Variants in BTRC observed in about 807,000 individuals in gnomAD.
The protein encoded by BTRC is beta-transducin repeat containing E3 ubiquitin protein ligase, also known as F-box/WD repeat-containing protein 1A.
A neutral mutation model predicts 85.5 loss-of-function variants in BTRC; 42 were observed. The ratio of observed to expected loss-of-function variants is 0.49; its 90% CI spans 0.38 to 0.64. BTRC has a LOEUF of 0.64. BTRC is among the 30% of genes least tolerant of loss of function. BTRC has a pLI of 0.00. For synonymous variants in BTRC, 255 were observed against 263.3 expected, an observed-to-expected ratio of 0.97 and a Z score of 0.30; for missense variants, 594 against 743.5, an observed-to-expected ratio of 0.80 and a Z score of 2.34.
chr10:101,393,735 T>C lies in BTRC; in HGVS notation c.49-36610T>C, dbSNP rs765441907. On this transcript the variant is annotated intron_variant, in intron 1 of 14. Transcript: ENST00000370187. Reference sequence around the variant, plus strand: ...AAAACACGAGGTTGGAAAGAGTCTTTCCCTACACACTCCCCCACCCTGGAG... The same window carrying C: ...AAAACACGAGGTTGGAAAGAGTCTTCCCCTACACACTCCCCCACCCTGGAG... 2.0e-5 allele frequency among the ~76,000 whole-genome samples: 3 copies of C among 152,138 alleles called. No individual in the cohort carries two copies. In the East Asian group the frequency reaches 5.8e-4, roughly 29 times the overall value.
intron 4 of BTRC, among the ~76,000 whole-genome samples, chr10:101,510,814 G>C (rs1200726440): frequency 6.6e-6 from 1 of 152,136 alleles, no homozygotes; most frequent in Non-Finnish European, 1.5e-5. Flanking sequence ...TCCTCCTTTG[G>C]TTTCTCCTCC....
At chr10:101,377,177 C>T (rs528186785) in intron 1 of BTRC, among the ~76,000 whole-genome samples, 2 of 152,290 alleles carry the variant, frequency 1.3e-5, no homozygotes, top group African/African-American at 4.8e-5. Context: ...CTGACCTCTT[C>T]CGTTCAGCAT....
At chr10:101,541,546 C>T (rs1244369616) in intron 13 of BTRC, among the ~76,000 whole-genome samples, 1 of 152,158 alleles carries the variant, frequency 6.6e-6, no homozygotes, top group East Asian at 1.9e-4. Context: ...AGGCGTGAAC[C>T]ACCGCGCCCG....
At chr10:101,431,921 A>G (rs1564768804) in intron 2 of BTRC, among the ~76,000 whole-genome samples, 2 of 152,192 alleles carry the variant, frequency 1.3e-5, no homozygotes, top group Non-Finnish European at 2.9e-5. Flanking sequence ...TGCAGGTTCT[A>G]AAATTAGCTA....
At chr10:101,466,040 A>G (rs1211387345) in intron 3 of BTRC, among the ~76,000 whole-genome samples, 1 of 152,180 alleles carries the variant, frequency 6.6e-6, no homozygotes, top group Admixed American at 6.5e-5. Flanking sequence ...TCAAGGGCAA[A>G]GGCCTGGGAG....
chr10:101,366,836 ATATT>A lies in BTRC; in HGVS notation c.48+12612_48+12615del, dbSNP rs1564729872. ...TATATATATTAATATATATTTATAT[ATATT>A]TATGTATATTAATATATATTTATAT... On this transcript the variant is annotated intron_variant, in intron 1 of 14. Transcript: ENST00000370187. Among the ~76,000 whole-genome samples, 9 of 67,674 alleles carry A rather than the reference ATATT, an allele frequency of 1.3e-4. 2 individuals carry two copies. Among genetic ancestry groups the A allele is most frequent in the African/African-American group, 5.6e-4 (9 of 16,120 alleles). The allele number at this position is 67,674 out of a possible 152,430, so 44.4% of individuals were successfully genotyped here.
At chr10:101,472,586 G>A (rs999164962) in intron 3 of BTRC, among the ~76,000 whole-genome samples, 20 of 152,108 alleles carry the variant, frequency 1.3e-4, no homozygotes, top group African/African-American at 4.3e-4. Context: ...GGCCAAGGTT[G>A]GGTGGATCAC....
intron 4 of BTRC, among the ~76,000 whole-genome samples, chr10:101,485,011 G>A (rs753021164): frequency 7.2e-5 from 11 of 152,140 alleles, no homozygotes; most frequent in South Asian, 2.1e-4. Context: ...TGTGCGTGCC[G>A]TTTAAGAAAA....
At chr10:101,427,113 CTTTTTTTT>C (rs138285266) in intron 1 of BTRC, among the ~76,000 whole-genome samples, 2 of 109,364 alleles carry the variant, frequency 1.8e-5, no homozygotes, top group Non-Finnish European at 3.6e-5. Flanking sequence ...TTTTTTCTTT[CTTTTTTTT>C]TTTTTTTTTT....
chr10:101,409,880 A>G (rs1341460122), intron 1 of BTRC, among the ~76,000 whole-genome samples: 1 of 152,222 alleles, frequency 6.6e-6, no homozygotes, highest in Non-Finnish European at 1.5e-5. Context: ...GAACATGTGT[A>G]TACATGTATT....
intron 1 of BTRC, among the ~76,000 whole-genome samples, chr10:101,378,682 G>A (rs932971597): frequency 1.3e-4 from 19 of 151,748 alleles, no homozygotes; most frequent in Admixed American, 5.3e-4. Context: ...GAGCCACCAC[G>A]CCCGGCTAAT....
chr10:101,432,229 G>A (rs1440829322), intron 2 of BTRC, among the ~76,000 whole-genome samples: 1 of 151,380 alleles, frequency 6.6e-6, no homozygotes, highest in African/African-American at 2.4e-5. Context: ...CTGGGCTCTA[G>A]TTGCCCTCCT....
At chr10:101,491,962 T>A (rs538423799) in intron 4 of BTRC, among the ~76,000 whole-genome samples, 2 of 148,990 alleles carry the variant, frequency 1.3e-5, no homozygotes, top group South Asian at 2.1e-4. Context: ...TATGTGTAGT[T>A]GTTGTTGTTT....
intron 2 of BTRC, among the ~76,000 whole-genome samples, chr10:101,436,643 T>C (rs1240145708): frequency 6.6e-6 from 1 of 151,310 alleles, no homozygotes; most frequent in East Asian, 1.9e-4. Context: ...GATAGATAGA[T>C]AGATAGATAG....
intron 1 of BTRC, among the ~76,000 whole-genome samples, chr10:101,361,588 T>A (rs2134477988): frequency 6.6e-6 from 1 of 152,358 alleles, no homozygotes; most frequent in East Asian, 1.9e-4. Flanking sequence ...AAGAAATCTC[T>A]ATGGGAAGGG....
chr10:101,428,841 T>A lies in BTRC; in HGVS notation c.49-1504T>A, dbSNP rs552384753. Among the ~76,000 whole-genome samples, 7 of 152,328 alleles carry A rather than the reference T, an allele frequency of 4.6e-5. No individual in the cohort carries two copies. The South Asian group carries it at 1.4e-3, about 32-fold the overall frequency. ...GCAGCCCATTATCTATCTATCTTTA[T>A]TTAGATAAGAGACGGGATCTTGCTG... is the stretch of plus-strand genomic sequence containing the variant. On this transcript the variant is annotated intron_variant, in intron 1 of 14. Coordinates refer to ENST00000370187, the MANE Select transcript of BTRC (RefSeq NM_033637.4).
At chr10:101,395,061 TATC>T (rs1175162470) in intron 1 of BTRC, among the ~76,000 whole-genome samples, 1 of 152,176 alleles carries the variant, frequency 6.6e-6, no homozygotes, top group African/African-American at 2.4e-5. Context: ...AACAAAATTG[TATC>T]ATCTTGTGTA....
chr10:101,397,772 A>G (rs1242339966), intron 1 of BTRC, among the ~76,000 whole-genome samples: 4 of 152,134 alleles, frequency 2.6e-5, no homozygotes, highest in Non-Finnish European at 5.9e-5. Context: ...TTGTAATGTA[A>G]ATATCTAATA....
chr10:101,455,863 C>T (rs182193010), intron 2 of BTRC, among the ~76,000 whole-genome samples: 512 of 152,054 alleles, frequency 3.4e-3, no homozygotes, highest in African/African-American at 0.011. Flanking sequence ...TTCTAATGGC[C>T]GGGCATGGTG....
Sources: allele counts gnomAD v4.1 joint callset (sites outside exome capture counted in the v4.1 genomes callset), GRCh38; gene constraint gnomAD v4.1.1; transcripts MANE v1.5; gene names NCBI Gene and HGNC (gene_info 2026-07-23, HGNC 2026-07-21).